GATAD1: variants seen among roughly 807,000 people sequenced by gnomAD.
GATAD1 encodes the protein GATA zinc finger domain-containing protein 1.
A neutral mutation model predicts 26.5 loss-of-function variants in GATAD1; 12 were observed. That is an observed-to-expected ratio of 0.45 (90% CI 0.29 to 0.73). The LOEUF (loss-of-function observed/expected upper bound fraction) is 0.73, where lower values mean the gene tolerates loss of function less well. Among genes scored for constraint, GATAD1 ranks in the 30% least tolerant of loss-of-function variants. The pLI is 0.10. For synonymous variants in GATAD1, 129 were observed against 133.1 expected (o/e 0.97, Z 0.21); for missense variants, 266 against 342.1 (o/e 0.78, Z 1.75).
At chr7:92,480,290 T>A in the GATAD1 span, among the ~76,000 whole-genome samples, 3 of 152,172 alleles carry the variant, frequency 2.0e-5, no homozygotes, top group African/African-American at 7.2e-5. Context: ...CCTCTACCCA[T>A]CCAGTGACAG....
chr7:92,474,166 TC>T, the GATAD1 span, among the ~76,000 whole-genome samples: 1 of 152,112 alleles, frequency 6.6e-6, no homozygotes, highest in Non-Finnish European at 1.5e-5. Flanking sequence ...ATCCCGTTTG[TC>T]CTGTTCCGCC....
At chr7:92,450,456 C>T in intron 2 of GATAD1, 1 of 500,834 alleles carries the variant, frequency 2.0e-6, no homozygotes, top group Admixed American at 3.7e-5. Context: ...CATTAGATCT[C>T]AGCAGCATAA....
At position 92,450,736 on chromosome 7, in the gene GATAD1, C is replaced by G. The variant is rs1157446233; in HGVS notation, c.411C>G (p.Ile137Met). Residue 137 changes from isoleucine (I) to methionine (M), a missense_variant, in exon 3 of 5, where the codon ATC (isoleucine) becomes ATG (methionine). Transcript: ENST00000287957. ...IKAPESVSTI[I>M]TAESIFYKGV... ...CTCCTGAGTCAGTTTCCACTATAAT[C>G]ACTGCAGAATCAATCTTCTACAAGG... is the stretch of plus-strand genomic sequence containing the variant. The G allele has an allele frequency of 1.2e-6, 2 of 1,609,066 alleles. No individual in the cohort carries two copies. Among genetic ancestry groups the G allele is most frequent in the Admixed American group, 1.7e-5 (1 of 60,016 alleles).
In GATAD1 at chr7:92,457,324, TGTG is replaced by T. The variant is rs1284187076; in HGVS notation, c.*767_*769del. 2 of 151,738 alleles carry T rather than the reference TGTG, an allele frequency of 1.3e-5. No individual in the cohort carries two copies. The highest frequency in any genetic ancestry group is 2.9e-5 in the Non-Finnish European group (2 of 67,992). 9.4% of individuals were successfully genotyped at this position (151,738 alleles called of 1,614,324 possible). ...ACTAAAAATACAAAAATTAGCCAGG[TGTG>T]GTGGCGCACACCTGTAGTCCCAGCT... On this transcript the variant is annotated 3_prime_UTR_variant, in exon 5 of 5. Transcript: ENST00000287957.
At chr7:92,465,618 CA>C in the GATAD1 span, among the ~76,000 whole-genome samples, 14,295 of 136,056 alleles carry the variant, frequency 0.11, 1,346 homozygotes, top group East Asian at 0.29. Context: ...AACTCCATCT[CA>C]AAAAAAAAAA....
Position 92,447,912 on chromosome 7 carries a change from C to G in GATAD1, c.183C>G (p.Gly61=), listed in dbSNP as rs1167310322. ...GTGGSGGGGF[G]AATFASTSAT... ...GGGGCAGCGGCGGCGGCGGCTTCGGCGCGGCGACCTTCGCCAGCACCTCCG... is the reference window on the plus strand; with the variant it reads ...GGGGCAGCGGCGGCGGCGGCTTCGGGGCGGCGACCTTCGCCAGCACCTCCG... The change falls in exon 1 of 5, where the codon GGC becomes GGG. Residue 61 remains glycine, a synonymous_variant. Coordinates refer to ENST00000287957, the MANE Select transcript of GATAD1 (RefSeq NM_021167.5). The G allele has an allele frequency of 1.6e-6, 2 of 1,252,604 alleles. No individual in the cohort carries two copies. Among genetic ancestry groups the G allele is most frequent in the Non-Finnish European group, 2.0e-6 (2 of 1,000,568 alleles). The allele number at this position is 1,252,604 out of a possible 1,614,324, so 77.6% of individuals were successfully genotyped here.
At chr7:92,494,141 A>G in the GATAD1 span, 1 of 683,258 alleles carries the variant, frequency 1.5e-6, no homozygotes, top group African/African-American at 1.8e-5. Context: ...CTAATTCAGA[A>G]TCTTTTTATG....
chr7:92,493,834 T>C, the GATAD1 span: 923 of 193,376 alleles, frequency 4.8e-3, 5 homozygotes, highest in South Asian at 0.015. Flanking sequence ...CTATCTGTTC[T>C]TTCATTCATT....
the GATAD1 span, among the ~76,000 whole-genome samples, chr7:92,480,615 G>T: frequency 2.0e-5 from 3 of 152,112 alleles, no homozygotes; most frequent in Admixed American, 6.6e-5. Flanking sequence ...TATTTTCCTT[G>T]GTCTAAGAAC....
chr7:92,455,759 C>T (rs1434131721), intron 4 of GATAD1, among the ~76,000 whole-genome samples: 1 of 152,188 alleles, frequency 6.6e-6, no homozygotes, highest in Non-Finnish European at 1.5e-5. Context: ...CATTACCAAA[C>T]AATTCTAGCC....
At chr7:92,487,630 T>A in the GATAD1 span, 2 of 582,992 alleles carry the variant, frequency 3.4e-6, no homozygotes. Context: ...CAATTATATT[T>A]TAAGAAATGA....
chr7:92,488,858 C>A, the GATAD1 span, among the ~76,000 whole-genome samples: 1 of 152,014 alleles, frequency 6.6e-6, no homozygotes, highest in African/African-American at 2.4e-5. Context: ...CTCAGCCTCC[C>A]AAGTAGCTGG....
chr7:92,453,462 A>G (rs928307790), intron 3 of GATAD1, among the ~76,000 whole-genome samples: 2 of 152,202 alleles, frequency 1.3e-5, no homozygotes, highest in South Asian at 2.1e-4. Flanking sequence ...CACATTAGTT[A>G]GTTGGGTATA....
the GATAD1 span, among the ~76,000 whole-genome samples, chr7:92,491,869 A>G: frequency 6.6e-6 from 1 of 152,178 alleles, no homozygotes; most frequent in Non-Finnish European, 1.5e-5. Flanking sequence ...CTCTACAAAT[A>G]CACACCTTTC....
downstream of GATAD1, chr7:92,463,136 A>G (rs1789982290): frequency 6.6e-6 from 1 of 152,256 alleles, no homozygotes; most frequent in African/African-American, 2.4e-5. Flanking sequence ...CAAACTTAAA[A>G]GGACAAATAT....
At position 92,456,382 on chromosome 7, in the gene GATAD1, A is replaced by G. The variant is rs1789672284; in HGVS notation, c.630A>G (p.Glu210=). The stretch of plus-strand genomic sequence containing the variant: ...TTGGCTGCCTTCCAGGGCCAGAGGA[A>G]GATCTTCCAAGGAAGATGGAATACT... ...DPASYIIGPE[E]DLPRKMEYLE... The change falls in exon 5 of 5, where the codon GAA becomes GAG. Residue 210 remains glutamate, a synonymous_variant. Coordinates refer to ENST00000287957, the MANE Select transcript of GATAD1 (RefSeq NM_021167.5). 2.5e-6 allele frequency: 4 copies of G among 1,605,648 alleles called. No homozygotes were observed. The highest frequency in any genetic ancestry group is 1.1e-5 in the South Asian group (1 of 90,490).
At position 92,456,363 on chromosome 7, in the gene GATAD1, G is replaced by A. The variant is rs1393144110; in HGVS notation, c.620-9G>A. On this transcript the variant is annotated splice_polypyrimidine_tract_variant and intron_variant, in intron 4 of 4. Transcript: ENST00000287957. ...AATGTATTTAACCTTTCCCTTGGCT[G>A]CCTTCCAGGGCCAGAGGAAGATCTT... 2 of 1,581,456 alleles carry A rather than the reference G, an allele frequency of 1.3e-6. No homozygotes were observed.
In GATAD1 at chr7:92,450,772, TAG is replaced by T. The variant is rs876657464; in HGVS notation, c.435+15_435+16del. ...CAATCTTCTACAAGGTAAGCTTTTG[TAG>T]AGTTACTGAAGGAAGAGTTGGGCCT... is the stretch of plus-strand genomic sequence containing the variant. On this transcript the variant is annotated intron_variant, in intron 3 of 4. Coordinates refer to ENST00000287957, the MANE Select transcript of GATAD1 (RefSeq NM_021167.5). 26 of 1,573,508 alleles carry T rather than the reference TAG, an allele frequency of 1.7e-5. No homozygotes were observed. The highest frequency in any genetic ancestry group is 2.3e-5 in the Non-Finnish European group (26 of 1,143,104).
chr7:92,474,195 A>G, the GATAD1 span, among the ~76,000 whole-genome samples: 4 of 151,752 alleles, frequency 2.6e-5, no homozygotes, highest in African/African-American at 9.7e-5. Flanking sequence ...CCTGATCTCT[A>G]TTATAAAAAA....
Sources: gnomAD v4.1 joint callset for allele counts (sites outside exome capture counted in the v4.1 genomes callset) on GRCh38, gnomAD v4.1.1 for gene constraint, MANE v1.5 for transcripts, NCBI Gene and HGNC (gene_info 2026-07-23, HGNC 2026-07-21) for gene names.